PCNT: variants seen among roughly 807,000 people sequenced by gnomAD.
PCNT encodes kendrin.
Under a neutral mutation model 380.4 loss-of-function variants are expected in PCNT, and 319 were observed. The observed-to-expected ratio is 0.84, with a 90% confidence interval of 0.77 to 0.92. The LOEUF is 0.92. Among genes scored for constraint, PCNT ranks in the 40% least tolerant of loss-of-function variants. The pLI, the probability that PCNT is intolerant of heterozygous loss-of-function variation, is 0.00. For synonymous variants in PCNT, 1,845 were observed against 1,735.2 expected, an observed-to-expected ratio of 1.06 and a Z score of -1.57; for missense variants, 4,400 against 4,255.3, an observed-to-expected ratio of 1.03 and a Z score of -0.95.
intron 15 of PCNT, among the ~76,000 whole-genome samples, chr21:46,380,145 ATTTTTTTTTTTTTTTTTTT>A (rs552854585): frequency 1.2e-3 from 73 of 59,714 alleles, no homozygotes; most frequent in South Asian, 9.5e-3. Flanking sequence ...CCTGGGGTAG[ATTTTTTTTTTTTTTTTTTT>A]TTTTTTTTTT....
intron 21 of PCNT, among the ~76,000 whole-genome samples, chr21:46,396,026 T>A (rs1399030863): frequency 3.4e-5 from 5 of 148,748 alleles, no homozygotes; most frequent in African/African-American, 1.3e-4. Context: ...CAGCAGAGAC[T>A]CCATCTCGGA....
At chr21:46,406,468 C>T (rs79250897) in intron 27 of PCNT, among the ~76,000 whole-genome samples, 7,141 of 152,238 alleles carry the variant, frequency 0.047, 219 homozygotes, top group Non-Finnish European at 0.063. Context: ...TGTATGTTAA[C>T]CTTGCTGTTA....
intron 44 of PCNT, chr21:46,443,131 C>T (rs546489415): frequency 1.7e-4 from 28 of 167,320 alleles, no homozygotes; most frequent in African/African-American, 3.1e-4. Flanking sequence ...TGTGTGGCTC[C>T]GGGCCTGTGG....
At chr21:46,400,679 C>G (rs2086393635) in intron 25 of PCNT, among the ~76,000 whole-genome samples, 1 of 151,996 alleles carries the variant, frequency 6.6e-6, no homozygotes, top group Non-Finnish European at 1.5e-5. Flanking sequence ...GCCACCACGC[C>G]TGGCTAATTT....
At chr21:46,335,169 C>T (rs2083693541) in intron 3 of PCNT, among the ~76,000 whole-genome samples, 1 of 152,144 alleles carries the variant, frequency 6.6e-6, no homozygotes, top group African/African-American at 2.4e-5. Flanking sequence ...AGGCCTGGTA[C>T]CTCGTTTCTC....
At chr21:46,402,159 T>G (rs1403633386) in intron 26 of PCNT, among the ~76,000 whole-genome samples, 172 bp from the exon 27 acceptor site, 1 of 152,058 alleles carries the variant, frequency 6.6e-6, no homozygotes, top group Non-Finnish European at 1.5e-5. Flanking sequence ...GCCTGACCAC[T>G]GTGTATTCTT....
At chr21:46,408,549 C>G (rs1341195535) in intron 27 of PCNT, among the ~76,000 whole-genome samples, 1 of 152,126 alleles carries the variant, frequency 6.6e-6, no homozygotes, top group African/African-American at 2.4e-5. Flanking sequence ...TAACCACGTT[C>G]TCATCAACAT....
At chr21:46,353,751 T>TGTGTGAGAGA (rs59894003) in intron 10 of PCNT, among the ~76,000 whole-genome samples, 1 of 104,316 alleles carries the variant, frequency 9.6e-6, no homozygotes, top group African/African-American at 3.6e-5. Flanking sequence ...TGTGTGTGTG[T>TGTGTGAGAGA]GAGAGAGACA....
At chr21:46,382,055 TCAC>T (rs2085567974) in intron 16 of PCNT, among the ~76,000 whole-genome samples, 18 of 131,642 alleles carry the variant, frequency 1.4e-4, no homozygotes, top group Middle Eastern at 3.7e-3. Flanking sequence ...GGAAGCGCAT[TCAC>T]CATGTTGTAT....
At chr21:46,405,426 G>A (rs530824355) in intron 27 of PCNT, among the ~76,000 whole-genome samples, 13 of 152,320 alleles carry the variant, frequency 8.5e-5, no homozygotes, top group African/African-American at 2.9e-4. Flanking sequence ...GGCCAGGAGC[G>A]GTGGCTCACG....
intron 8 of PCNT, among the ~76,000 whole-genome samples, 167 bp downstream of exon 8, chr21:46,349,987 G>A (rs796595047): frequency 5.3e-5 from 8 of 152,218 alleles, no homozygotes; most frequent in African/African-American, 1.9e-4. Context: ...ACTTTGGGAG[G>A]CCAAGGTGGG....
chr21:46,432,245 C>T, intron 38 of PCNT, 30 bp downstream of exon 38: 2 of 1,576,274 alleles, frequency 1.3e-6, no homozygotes, highest in Non-Finnish European at 1.7e-6. Context: ...GGAGCGTCCA[C>T]ACCTAAAAAC....
intron 15 of PCNT, among the ~76,000 whole-genome samples, chr21:46,368,103 G>A (rs1410518428): frequency 2.0e-5 from 3 of 152,120 alleles, no homozygotes; most frequent in Non-Finnish European, 4.4e-5. Context: ...TGCAGGGTGA[G>A]CTAAGACTGT....
chr21:46,368,605 A>G (rs1804329276), intron 15 of PCNT, among the ~76,000 whole-genome samples: 1 of 152,362 alleles, frequency 6.6e-6, no homozygotes, highest in East Asian at 1.9e-4. Context: ...GTCGTATCAC[A>G]CACACCTTGT....
chr21:46,431,364 TTGA>T, intron 37 of PCNT, 162 bp from the exon 38 acceptor site: 1 of 1,465,148 alleles, frequency 6.8e-7, no homozygotes, highest in Non-Finnish European at 9.0e-7. Context: ...TTTTTGTTAC[TTGA>T]TGAACTAACA....
At chr21:46,412,744 C>A in intron 28 of PCNT, 93 bp from the exon 29 acceptor site, 2 of 1,337,672 alleles carry the variant, frequency 1.5e-6, no homozygotes, top group Non-Finnish European at 1.1e-6. Context: ...TCCCTGCTGG[C>A]TGCCGTACTG....
chr21:46,364,238 T>G (rs2084820625), intron 14 of PCNT, among the ~76,000 whole-genome samples: 1 of 151,992 alleles, frequency 6.6e-6, no homozygotes, highest in Admixed American at 6.6e-5. Context: ...TGGGACAGCT[T>G]TGTGCTCGGA....
chr21:46,366,733 A>G lies in PCNT; in HGVS notation c.2759A>G (p.Glu920Gly). The change falls in exon 15 of 47, where the codon GAG becomes GGG. Residue 920 changes from glutamate (E) to glycine (G), a missense_variant. Glu to Gly is a moderately conservative substitution (Grantham distance 98). Coordinates refer to ENST00000359568, the MANE Select transcript of PCNT (RefSeq NM_006031.6). ...QQLLSVTAEL[E>G]ARHQAALGEL... ...CTCCTGTCAGTGACGGCGGAGCTCG[A>G]GGCCAGACACCAGGCCGCGTTGGGC... is the stretch of plus-strand genomic sequence containing the variant. 2 of 1,613,588 alleles carry G rather than the reference A, an allele frequency of 1.2e-6. No individual in the cohort carries two copies. Among genetic ancestry groups the G allele is most frequent in the Non-Finnish European group, 1.7e-6 (2 of 1,180,042 alleles).
rs765541632 is a variant in PCNT, at chr21:46,411,172, A to G, written c.5116-17A>G. On this transcript the variant is annotated splice_polypyrimidine_tract_variant and intron_variant, in intron 27 of 46. Coordinates refer to ENST00000359568, the MANE Select transcript of PCNT (RefSeq NM_006031.6). ...TGGATACATTTAATTTGCCTCTGAA[A>G]TGTCCTCTCTCTTCAGGTCATATAT... 41 of 1,612,944 alleles carry G rather than the reference A, an allele frequency of 2.5e-5. No homozygotes were observed. Among genetic ancestry groups the G allele is most frequent in the Admixed American group, 5.0e-5 (3 of 60,012 alleles).
Sources: allele counts gnomAD v4.1 joint callset (sites outside exome capture counted in the v4.1 genomes callset), GRCh38; gene constraint gnomAD v4.1.1; transcripts MANE v1.5; gene names NCBI Gene and HGNC (gene_info 2026-07-23, HGNC 2026-07-21).